Variants in VPS53 observed in about 807,000 individuals in gnomAD.
VPS53 encodes vacuolar protein sorting-associated protein 53 homolog.
In VPS53, 70 loss-of-function variants were observed where a neutral mutation model predicts 107.0. The observed-to-expected ratio is 0.65, with a 90% confidence interval of 0.54 to 0.80. VPS53 has a LOEUF of 0.80. Ranked by LOEUF, VPS53 falls within the 30% of genes least tolerant of loss-of-function variation. The pLI, the probability that VPS53 is intolerant of heterozygous loss-of-function variation, is 0.00. For missense variants in VPS53, 917 were observed against 1,049.4 expected, an observed-to-expected ratio of 0.87 and a Z score of 1.74; for synonymous variants, 409 against 393.3, an observed-to-expected ratio of 1.04 and a Z score of -0.47.
chr17:671,839 C>T (rs955268790), intron 4 of VPS53, among the ~76,000 whole-genome samples: 2 of 151,996 alleles, frequency 1.3e-5, no homozygotes, highest in Admixed American at 1.3e-4. Context: ...CAGGCACCCG[C>T]CACCACACCC....
intron 11 of VPS53, among the ~76,000 whole-genome samples, chr17:610,753 T>TAA (rs34089454): frequency 0.014 from 1,816 of 128,864 alleles, 43 homozygotes; most frequent in African/African-American, 0.048. Flanking sequence ...CCGCCTCTAC[T>TAA]AAAAAAAAAA....
At chr17:696,487 C>T (rs1425543487) in intron 4 of VPS53, among the ~76,000 whole-genome samples, 1 of 152,150 alleles carries the variant, frequency 6.6e-6, no homozygotes, top group Non-Finnish European at 1.5e-5. Context: ...AAGAAGCAGT[C>T]CTGACCTGAG....
intron 4 of VPS53, 80 bp downstream of exon 4, chr17:697,338 G>C (rs1326616665): frequency 7.7e-6 from 9 of 1,171,386 alleles, no homozygotes; most frequent in Non-Finnish European, 1.2e-5. Flanking sequence ...CTCTGCAAGA[G>C]GGCACATCGA....
chr17:525,317 T>C (rs1909045788), intron 19 of VPS53, among the ~76,000 whole-genome samples: 1 of 152,124 alleles, frequency 6.6e-6, no homozygotes, highest in South Asian at 2.1e-4. Context: ...CTTTGGGGCA[T>C]GGAGGAAGAG....
At chr17:693,451 G>C (rs1346001811) in intron 4 of VPS53, among the ~76,000 whole-genome samples, 1 of 152,164 alleles carries the variant, frequency 6.6e-6, no homozygotes, top group African/African-American at 2.4e-5. Flanking sequence ...GTAATAATAA[G>C]TGTCTCATGC....
At chr17:663,042 CA>C (rs954361632) in intron 4 of VPS53, among the ~76,000 whole-genome samples, 7 of 145,660 alleles carry the variant, frequency 4.8e-5, no homozygotes, top group Non-Finnish European at 7.6e-5. Flanking sequence ...TCGGTCTCTG[CA>C]AAAAAAAAAG....
At chr17:666,272 G>A (rs911077206) in intron 4 of VPS53, among the ~76,000 whole-genome samples, 3 of 152,164 alleles carry the variant, frequency 2.0e-5, no homozygotes, top group African/African-American at 7.2e-5. Context: ...AAAACCACCA[G>A]TGACATGAGA....
At chr17:661,668 TA>T (rs1971443740) in intron 5 of VPS53, 140 bp downstream of exon 5, 1 of 733,042 alleles carries the variant, frequency 1.4e-6, no homozygotes, top group African/African-American at 1.8e-5. Context: ...AACGCATTCA[TA>T]GGGGGCTTGC....
At chr17:644,101 C>T (rs890637234) in intron 7 of VPS53, among the ~76,000 whole-genome samples, 14 of 152,172 alleles carry the variant, frequency 9.2e-5, no homozygotes, top group Middle Eastern at 3.2e-3. Context: ...TTCCCTTTCA[C>T]GGATATGCTT....
chr17:519,276 C>T lies in VPS53; in HGVS notation c.2351G>A (p.Ser784Asn). 1 of 1,516,774 alleles carries T rather than the reference C, an allele frequency of 6.6e-7. No individual in the cohort carries two copies. The highest frequency in any genetic ancestry group is 8.8e-7 in the Non-Finnish European group (1 of 1,132,678). 94.0% of individuals were successfully genotyped at this position (1,516,774 alleles called of 1,614,324 possible). ...CTGGCGCAGGAGTTCCAGCATGCTG[C>T]TCTGCTCACTCCTCTTCAGCCCCTG... ...DMKGLKRSEQSSMLELLRQRL... is the reference protein window; with the variant it reads ...DMKGLKRSEQNSMLELLRQRL... The change falls in exon 22 of 22, where the codon AGC becomes AAC. Residue 784 changes from serine (S) to asparagine (N), a missense_variant. By Grantham distance (46) the Ser-to-Asn change is conservative. Coordinates refer to ENST00000437048, the MANE Select transcript of VPS53 (RefSeq NM_001128159.3). This position sits in a 1 kb window ranked among gnomAD's most constrained non-coding sequence, Gnocchi z 5.0.
chr17:589,177 T>G (rs1247874501), intron 12 of VPS53, among the ~76,000 whole-genome samples: 3 of 152,046 alleles, frequency 2.0e-5, no homozygotes. Context: ...TAATACAGAA[T>G]GTTAACATTT....
intron 7 of VPS53, among the ~76,000 whole-genome samples, chr17:637,785 T>C (rs1486871319): frequency 6.6e-6 from 1 of 152,226 alleles, no homozygotes; most frequent in African/African-American, 2.4e-5. Context: ...TGAGAGACAG[T>C]TCGTTATAAT....
chr17:610,987 T>A (rs754095488), intron 11 of VPS53, among the ~76,000 whole-genome samples: 61 of 151,368 alleles, frequency 4.0e-4, no homozygotes, highest in Non-Finnish European at 6.5e-4. Context: ...TGTAAACAAC[T>A]CTTACAACTC....
chr17:666,784 T>A (rs34001232), intron 4 of VPS53, among the ~76,000 whole-genome samples: 29,646 of 151,976 alleles, frequency 0.2, 3,083 homozygotes, highest in African/African-American at 0.26. Flanking sequence ...CCAGGCATGG[T>A]GGTGTGCACC....
chr17:671,760 C>T (rs2143703918), intron 4 of VPS53, among the ~76,000 whole-genome samples: 1 of 150,326 alleles, frequency 6.7e-6, no homozygotes, highest in East Asian at 2.0e-4. Context: ...ATGATCTCAG[C>T]TCACTGCAAC....
intron 8 of VPS53, among the ~76,000 whole-genome samples, chr17:630,418 CTTCT>C (rs1474664423): frequency 2.0e-5 from 3 of 152,142 alleles, no homozygotes; most frequent in Admixed American, 6.5e-5. Context: ...TCCCTTTTCA[CTTCT>C]TTGACCTTCA....
chr17:642,597 T>A (rs950498206), intron 7 of VPS53, among the ~76,000 whole-genome samples: 2 of 148,730 alleles, frequency 1.3e-5, no homozygotes, highest in African/African-American at 5.0e-5. Context: ...AGGACAACAC[T>A]CATACTTGGC....
intron 13 of VPS53, among the ~76,000 whole-genome samples, chr17:565,697 C>A (rs77010405): frequency 6.6e-6 from 1 of 151,868 alleles, no homozygotes; most frequent in African/African-American, 2.4e-5. Flanking sequence ...CTGGCCTACT[C>A]CCGGTCAGTG....
At chr17:625,291 A>C (rs969735795) in intron 10 of VPS53, among the ~76,000 whole-genome samples, 1 of 151,958 alleles carries the variant, frequency 6.6e-6, no homozygotes, top group Non-Finnish European at 1.5e-5. Context: ...GCCTGGCCCA[A>C]TGTGTTTCTT....
Sources: gnomAD v4.1 joint callset for allele counts (sites outside exome capture counted in the v4.1 genomes callset) on GRCh38, gnomAD v4.1.1 for gene constraint, Gnocchi (gnomAD v3.1) non-coding constraint, MANE v1.5 for transcripts, NCBI Gene and HGNC (gene_info 2026-07-23, HGNC 2026-07-21) for gene names.